Variants in FRMPD4 observed in about 807,000 individuals in gnomAD.
FRMPD4 encodes FERM and PDZ domain-containing protein 4.
FRMPD4 carries 22 observed loss-of-function variants against 94.1 expected under a neutral mutation model. That is an observed-to-expected ratio of 0.23 (90% confidence interval 0.17 to 0.33). The LOEUF is 0.33. Among genes scored for constraint, FRMPD4 ranks in the 10% least tolerant of loss-of-function variants. The pLI, the probability that FRMPD4 is intolerant of heterozygous loss-of-function variation, is 1.00. For missense variants in FRMPD4, 1,111 were observed against 1,339.9 expected (o/e 0.83, Z 2.67); for synonymous variants, 631 against 548.6 (o/e 1.15, Z -2.10).
chrX:12,626,882 T>C (rs1335704125), intron 4 of FRMPD4, among the ~76,000 whole-genome samples: 2 of 110,019 alleles, frequency 1.8e-5, no homozygotes, highest in East Asian at 5.7e-4. Flanking sequence ...AATCAGATCA[T>C]GTTCCAGGGG....
chrX:12,606,918 C>T (rs2059136502), intron 2 of FRMPD4, among the ~76,000 whole-genome samples: 1 of 111,615 alleles, frequency 9.0e-6, no homozygotes, highest in African/African-American at 3.3e-5. Context: ...AAAGTGTCCA[C>T]CATGCCTAGC....
At position 12,206,636 on chromosome X, in the gene FRMPD4, G is replaced by T. The variant is rs142347960; in HGVS notation, c.41+67624G>T. On this transcript the variant is annotated intron_variant, in intron 1 of 16. Transcript: ENST00000675598. ...TCTTAGAGGTCTCAGATGCAGCAGT[G>T]CTAACAGAGGCAGTTCAGGTTCAGC... 6.0e-3 allele frequency among the ~76,000 whole-genome samples: 674 copies of T among 112,072 alleles called. 8 individuals carry two copies. The highest frequency in any genetic ancestry group is 0.02 in the African/African-American group (630 of 30,879).
chrX:12,050,667 G>A (rs2054811905), intron 3 of FRMPD4, among the ~76,000 whole-genome samples: 2 of 110,151 alleles, frequency 1.8e-5, no homozygotes, highest in South Asian at 3.8e-4. Flanking sequence ...TTCTAATTTT[G>A]AGGGGTTTAT....
chrX:11,845,956 A>C (rs1367053773), intron 1 of FRMPD4, among the ~76,000 whole-genome samples: 10 of 103,727 alleles, frequency 9.6e-5, no homozygotes, highest in East Asian at 9.0e-4. Flanking sequence ...AGCATTCCCT[A>C]TGAAAACTGG....
intron 1 of FRMPD4, among the ~76,000 whole-genome samples, chrX:11,836,538 T>G (rs770790626): frequency 9.0e-6 from 1 of 111,534 alleles, no homozygotes; most frequent in Non-Finnish European, 1.9e-5. Flanking sequence ...CACCAAAAAT[T>G]ACAAAGATGG....
intron 9 of FRMPD4, among the ~76,000 whole-genome samples, chrX:12,697,077 A>ATT: frequency 8.9e-6 from 1 of 112,657 alleles, no homozygotes; most frequent in East Asian, 2.8e-4. Context: ...ACCCTACATC[A>ATT]TTGGGAAAAG....
intron 1 of FRMPD4, among the ~76,000 whole-genome samples, chrX:12,328,703 T>G (rs1313595855): frequency 8.9e-6 from 1 of 112,094 alleles, no homozygotes; most frequent in Non-Finnish European, 1.9e-5. Flanking sequence ...GGTATCCTAA[T>G]GCAGGCTACA....
At chrX:12,512,556 TC>T (rs1312304039) in intron 2 of FRMPD4, among the ~76,000 whole-genome samples, 2 of 112,902 alleles carry the variant, frequency 1.8e-5, no homozygotes, top group Non-Finnish European at 3.7e-5. Flanking sequence ...AAGATCTCAT[TC>T]CTTTTTATGG....
intron 1 of FRMPD4, among the ~76,000 whole-genome samples, chrX:12,362,441 G>A (rs1169580440): frequency 9.0e-6 from 1 of 110,970 alleles, no homozygotes; most frequent in East Asian, 2.8e-4. Flanking sequence ...CCACCTATGA[G>A]TGAGAACATG....
chrX:12,627,353 G>A (rs1048499302), intron 4 of FRMPD4, among the ~76,000 whole-genome samples: 9 of 112,056 alleles, frequency 8.0e-5, no homozygotes, highest in Non-Finnish European at 1.5e-4. Context: ...ACAATGATGT[G>A]TAATATAATA....
At chrX:12,548,262 A>G (rs2058499246) in intron 2 of FRMPD4, among the ~76,000 whole-genome samples, 1 of 112,010 alleles carries the variant, frequency 8.9e-6, no homozygotes, top group South Asian at 3.7e-4. Flanking sequence ...AAGGGGAAAA[A>G]AGTGAGTTTA....
intron 1 of FRMPD4, among the ~76,000 whole-genome samples, chrX:12,338,997 G>GCA (rs2055568475): frequency 8.9e-6 from 1 of 112,078 alleles, no homozygotes; most frequent in African/African-American, 3.2e-5. Flanking sequence ...ATGTCAAAAA[G>GCA]TTTTTGAGTT....
chrX:12,258,427 CA>C (rs752676594), intron 1 of FRMPD4, among the ~76,000 whole-genome samples: 87 of 111,306 alleles, frequency 7.8e-4, no homozygotes, highest in African/African-American at 2.5e-3. Flanking sequence ...TGATGCCTTC[CA>C]CCATGTTATG....
intron 3 of FRMPD4, among the ~76,000 whole-genome samples, chrX:11,945,736 G>A (rs1340790686): frequency 1.8e-5 from 2 of 111,109 alleles, no homozygotes; most frequent in African/African-American, 6.5e-5. Flanking sequence ...TAATAGAGAG[G>A]GAACTCACTC....
At chrX:12,011,223 G>T (rs2054579181) in intron 3 of FRMPD4, among the ~76,000 whole-genome samples, 1 of 111,759 alleles carries the variant, frequency 8.9e-6, no homozygotes, top group African/African-American at 3.3e-5. Context: ...ATCCCCAGGG[G>T]TGGTTTGTTT....
At chrX:12,075,862 C>T (rs1410475922) in intron 3 of FRMPD4, among the ~76,000 whole-genome samples, 1 of 112,277 alleles carries the variant, frequency 8.9e-6, no homozygotes, top group Non-Finnish European at 1.9e-5. Flanking sequence ...CAAGACATTT[C>T]TCACTTCACA....
intron 1 of FRMPD4, among the ~76,000 whole-genome samples, chrX:12,312,606 GT>G: frequency 9.0e-6 from 1 of 110,900 alleles, no homozygotes; most frequent in African/African-American, 3.3e-5. Flanking sequence ...TGATGTTTTT[GT>G]TTGTTTCCAC....
intron 1 of FRMPD4, among the ~76,000 whole-genome samples, chrX:11,830,256 C>G (rs1379234746): frequency 9.0e-6 from 1 of 111,692 alleles, no homozygotes; most frequent in Non-Finnish European, 1.9e-5. Flanking sequence ...CTTTTTTCAA[C>G]TTGAATATAC....
At chrX:12,450,854 C>CTATT (rs1555968117) in intron 1 of FRMPD4, among the ~76,000 whole-genome samples, 1 of 54,633 alleles carries the variant, frequency 1.8e-5, no homozygotes, top group Non-Finnish European at 3.1e-5. Context: ...CAGTGTTGTT[C>CTATT]TATTTATCCA....
Sources: gnomAD v4.1 joint callset for allele counts (sites outside exome capture counted in the v4.1 genomes callset) on GRCh38, gnomAD v4.1.1 for gene constraint, MANE v1.5 for transcripts, NCBI Gene and HGNC (gene_info 2026-07-23, HGNC 2026-07-21) for gene names.